The following PPP1R9A variants were observed in gnomAD, a reference collection of about 807,000 sequenced individuals.
PPP1R9A encodes the protein neurabin-1.
A neutral mutation model predicts 141.9 loss-of-function variants in PPP1R9A; 59 were observed. The observed-to-expected ratio is 0.42, with a 90% CI of 0.34 to 0.52. The LOEUF (loss-of-function observed/expected upper bound fraction) is 0.52. PPP1R9A is among the 20% of genes least tolerant of loss of function. The probability of loss-of-function intolerance (pLI) is 0.10; values close to 1 mark genes in which losing one functional copy is unlikely to be tolerated. For missense variants in PPP1R9A, 1,444 were observed against 1,611.9 expected (o/e 0.90, Z 1.78); for synonymous variants, 500 against 569.7 (o/e 0.88, Z 1.74).
chr7:95,073,395 A>G (rs1426234335), intron 2 of PPP1R9A, among the ~76,000 whole-genome samples: 1 of 151,958 alleles, frequency 6.6e-6, no homozygotes. Flanking sequence ...TTTGGATTTG[A>G]CTCTGGTATA....
intron 1 of PPP1R9A, chr7:94,907,942 G>C (rs2150554472): frequency 6.8e-6 from 1 of 147,804 alleles, no homozygotes; most frequent in East Asian, 2.0e-4. Flanking sequence ...GGCAGGGAGC[G>C]CCTGGGGGCC....
intron 2 of PPP1R9A, among the ~76,000 whole-genome samples, chr7:95,106,932 C>T (rs1819607928): frequency 6.6e-6 from 1 of 151,940 alleles, no homozygotes; most frequent in South Asian, 2.1e-4. Flanking sequence ...GAGGTGCACG[C>T]CACCACGCCC....
At chr7:95,173,419 CTAAA>C (rs981696232) in intron 5 of PPP1R9A, among the ~76,000 whole-genome samples, 9 of 151,578 alleles carry the variant, frequency 5.9e-5, no homozygotes, top group African/African-American at 2.2e-4. Context: ...TATATACCCT[CTAAA>C]TGAATGAAAA....
chr7:95,129,931 C>T lies in PPP1R9A; in HGVS notation c.1649+9099C>T, dbSNP rs568210940. The stretch of plus-strand genomic sequence containing the variant: ...GAAGTGACTTAGGTGCTGTCAAAGG[C>T]ACTCAGTTTCAAAAGGGAAACAGAA... On this transcript the variant is annotated intron_variant, in intron 4 of 19. Coordinates refer to ENST00000433360, the MANE Select transcript of PPP1R9A (RefSeq NM_001166160.2). Among the ~76,000 whole-genome samples, 33 of 152,242 alleles carry T rather than the reference C, an allele frequency of 2.2e-4. No homozygotes were observed. In the Middle Eastern group the frequency reaches 0.01, roughly 47 times the overall value.
chr7:94,965,798 A>G (rs1284029944), intron 2 of PPP1R9A, among the ~76,000 whole-genome samples: 1 of 151,112 alleles, frequency 6.6e-6, no homozygotes, highest in Non-Finnish European at 1.5e-5. Context: ...TCTTGGCTAT[A>G]TGGGCTTTTT....
chr7:95,102,059 T>G (rs1227944078), intron 2 of PPP1R9A, among the ~76,000 whole-genome samples: 6 of 152,212 alleles, frequency 3.9e-5, no homozygotes, highest in Non-Finnish European at 2.9e-5. Flanking sequence ...GCTGCCTTGC[T>G]GACCTATATT....
chr7:95,028,422 A>G (rs1485847156), intron 2 of PPP1R9A, among the ~76,000 whole-genome samples: 2 of 152,226 alleles, frequency 1.3e-5, no homozygotes, highest in Non-Finnish European at 2.9e-5. Flanking sequence ...TATATTTGGA[A>G]TTAGAATAGC....
Position 95,110,071 on chromosome 7 carries a change from C to T in PPP1R9A, c.1396-1188C>T, listed in dbSNP as rs569738390. On this transcript the variant is annotated intron_variant, in intron 2 of 19. Transcript: ENST00000433360. ...AAAGTCAAGAAGAAAACAGTACCCA[C>T]TCAGGTACAAATCCTACAAATGATA... is the stretch of plus-strand genomic sequence containing the variant. Among the ~76,000 whole-genome samples, 3 of 152,254 alleles carry T rather than the reference C, an allele frequency of 2.0e-5. No homozygotes were observed. In the South Asian group the frequency reaches 6.2e-4, roughly 32 times the overall value.
intron 2 of PPP1R9A, among the ~76,000 whole-genome samples, chr7:94,934,246 A>C (rs575049785): frequency 6.6e-6 from 1 of 152,338 alleles, no homozygotes; most frequent in African/African-American, 2.4e-5. Context: ...ATCAGGGGTC[A>C]GTTAATGTGT....
intron 2 of PPP1R9A, among the ~76,000 whole-genome samples, chr7:95,065,286 T>G (rs1179395424): frequency 6.6e-6 from 1 of 152,116 alleles, no homozygotes; most frequent in Non-Finnish European, 1.5e-5. Flanking sequence ...AGGCTGGTCT[T>G]GAACTCCTGG....
intron 12 of PPP1R9A, among the ~76,000 whole-genome samples, chr7:95,267,442 A>T (rs370267752): frequency 7.9e-5 from 12 of 152,144 alleles, no homozygotes; most frequent in African/African-American, 2.9e-4. Context: ...GAGTGATTAC[A>T]TATGCAAATG....
chr7:95,179,897 C>T (rs771972407), intron 5 of PPP1R9A, among the ~76,000 whole-genome samples: 6 of 151,810 alleles, frequency 4.0e-5, no homozygotes, highest in East Asian at 1.9e-4. Context: ...AATGGAAACA[C>T]GTCCCGTGCT....
At chr7:95,199,758 CTT>C (rs1789117901) in intron 6 of PPP1R9A, among the ~76,000 whole-genome samples, 1 of 152,114 alleles carries the variant, frequency 6.6e-6, no homozygotes, top group Admixed American at 6.5e-5. Flanking sequence ...AAAATGTTCT[CTT>C]GAATTTTCAA....
chr7:95,170,580 A>G (rs1183774432), intron 5 of PPP1R9A, among the ~76,000 whole-genome samples: 1 of 151,602 alleles, frequency 6.6e-6, no homozygotes, highest in East Asian at 1.9e-4. Context: ...AGGAAAGTGA[A>G]TAATAATTTA....
At chr7:95,039,226 A>G (rs189552026) in intron 2 of PPP1R9A, among the ~76,000 whole-genome samples, 12 of 152,316 alleles carry the variant, frequency 7.9e-5, no homozygotes, top group African/African-American at 2.9e-4. Context: ...AGTAGACAAC[A>G]TGCAAGCACA....
At chr7:95,256,802 A>G (rs1019053744) in intron 12 of PPP1R9A, among the ~76,000 whole-genome samples, 8 of 152,268 alleles carry the variant, frequency 5.3e-5, no homozygotes, top group East Asian at 1.9e-4. Flanking sequence ...ATCAGACATC[A>G]ATCATTTCCA....
chr7:95,224,604 A>G (rs1323554961), intron 7 of PPP1R9A, among the ~76,000 whole-genome samples: 3 of 152,134 alleles, frequency 2.0e-5, no homozygotes, highest in African/African-American at 7.2e-5. Flanking sequence ...GAATTATTTT[A>G]TTTGAAAAAG....
intron 2 of PPP1R9A, among the ~76,000 whole-genome samples, chr7:94,950,323 T>C (rs545643164): frequency 1.3e-5 from 2 of 152,256 alleles, no homozygotes; most frequent in East Asian, 3.9e-4. Flanking sequence ...ATTCTGCTTC[T>C]GGGGTCTCTT....
intron 5 of PPP1R9A, among the ~76,000 whole-genome samples, chr7:95,173,972 G>A (rs1374011138): frequency 1.3e-5 from 2 of 152,004 alleles, no homozygotes. Flanking sequence ...GTTTTCCAAA[G>A]TTAGGCATAC....
Sources: gnomAD v4.1 joint callset for allele counts (sites outside exome capture counted in the v4.1 genomes callset) on GRCh38, gnomAD v4.1.1 for gene constraint, MANE v1.5 for transcripts, NCBI Gene and HGNC (gene_info 2026-07-23, HGNC 2026-07-21) for gene names.